The following PRKN variants were observed in gnomAD, a reference collection of about 807,000 sequenced individuals.
PRKN encodes the protein parkin RBR E3 ubiquitin protein ligase, also known as E3 ubiquitin-protein ligase parkin.
Under a neutral mutation model 59.5 loss-of-function variants are expected in PRKN, and 56 were observed. That is an observed-to-expected ratio of 0.94 (90% CI 0.76 to 1.18). PRKN has a LOEUF of 1.18. Among genes scored for constraint, PRKN ranks in the 50% most tolerant of loss-of-function variants. PRKN has a pLI of 0.00. For synonymous variants in PRKN, 250 were observed against 222.1 expected (o/e 1.13, Z -1.12); for missense variants, 657 against 596.4 (o/e 1.10, Z -1.06).
chr6:161,864,540 C>T (rs767655423), intron 6 of PRKN, among the ~76,000 whole-genome samples: 12 of 152,170 alleles, frequency 7.9e-5, no homozygotes, highest in Non-Finnish European at 1.5e-5. Context: ...TTTTTCAAAG[C>T]TCCTGTTAAT....
rs768568929 is a variant in PRKN, at chr6:161,582,971, AACACACACACACACAC to A, written c.872-13571_872-13556del. 2.3e-4 allele frequency among the ~76,000 whole-genome samples: 27 copies of A among 117,236 alleles called. No homozygotes were observed. Among genetic ancestry groups the A allele is most frequent in the Admixed American group, 1.4e-3 (15 of 11,000 alleles). 76.9% of individuals were successfully genotyped at this position (117,236 alleles called of 152,430 possible). ...TCTTTCCAGTGAGATGGCCTATTCC[AACACACACACACACAC>A]ACACACACACACACACACACACACA... is the stretch of plus-strand genomic sequence containing the variant. On this transcript the variant is annotated intron_variant, in intron 7 of 11. Transcript: ENST00000366898. The surrounding 1 kb of genome is among the most constrained non-coding windows in gnomAD (Gnocchi z 4.4).
intron 7 of PRKN, among the ~76,000 whole-genome samples, chr6:161,660,498 C>T (rs534491117): frequency 6.6e-6 from 1 of 152,188 alleles, no homozygotes; most frequent in African/African-American, 2.4e-5. Context: ...CAAAGACACA[C>T]AGCTGAAGAT....
intron 6 of PRKN, among the ~76,000 whole-genome samples, chr6:161,823,558 G>C (rs952588788): frequency 2.6e-5 from 4 of 152,158 alleles, no homozygotes; most frequent in Admixed American, 2.0e-4. Context: ...AAGAAAAACA[G>C]AAACCTAACT....
In PRKN at chr6:162,003,360, G is replaced by A. The variant is rs75321521; in HGVS notation, c.619-29943C>T. On this transcript the variant is annotated intron_variant, in intron 5 of 11. Transcript: ENST00000366898. ...TAAACTACTTTTAAGCGAATTTTCT[G>A]AATTTTTGTATATTGTGTTTAAGTG... Among the ~76,000 whole-genome samples, 1,184 of 152,212 alleles carry A rather than the reference G, an allele frequency of 7.8e-3. 19 individuals carry two copies. Among genetic ancestry groups the A allele is most frequent in the African/African-American group, 0.027 (1,122 of 41,528 alleles).
chr6:161,938,803 A>T (rs112085109), intron 6 of PRKN, among the ~76,000 whole-genome samples: 1,700 of 152,270 alleles, frequency 0.011, 35 homozygotes, highest in African/African-American at 0.039. Flanking sequence ...TGTTTTAGAA[A>T]TGTGAGTGAT....
At chr6:162,054,043 G>A in intron 5 of PRKN, 48 bp downstream of exon 5, 2 of 1,173,126 alleles carry the variant, frequency 1.7e-6, no homozygotes, top group Non-Finnish European at 2.6e-6. Context: ...CAGTGAAGAT[G>A]TCATCATTTT....
intron 4 of PRKN, among the ~76,000 whole-genome samples, chr6:162,199,731 C>T (rs892879207): frequency 6.6e-6 from 1 of 152,170 alleles, no homozygotes; most frequent in Non-Finnish European, 1.5e-5. Flanking sequence ...ATGAATTTCT[C>T]TAGACAGCTG....
Position 162,439,250 on chromosome 6 carries a change from C to G in PRKN, c.171+4060G>C, listed in dbSNP as rs73604300. ...TTGCTAGGCAGCCCCTTTCTGAGTC[C>G]TCTGGATAAAAAACAGGCCATTGTT... On this transcript the variant is annotated intron_variant, in intron 2 of 11. Transcript: ENST00000366898. 4.0e-3 allele frequency among the ~76,000 whole-genome samples: 601 copies of G among 152,118 alleles called. 7 individuals are homozygous for G. Among genetic ancestry groups the G allele is most frequent in the African/African-American group, 0.014 (577 of 41,512 alleles).
intron 7 of PRKN, among the ~76,000 whole-genome samples, chr6:161,735,652 C>T (rs745618572): frequency 1.6e-4 from 25 of 152,046 alleles, no homozygotes; most frequent in Non-Finnish European, 3.2e-4. Context: ...CATGGTGGCT[C>T]ACGCCTGTAA....
intron 5 of PRKN, among the ~76,000 whole-genome samples, chr6:162,024,852 G>A (rs1399771659): frequency 6.6e-6 from 1 of 152,256 alleles, no homozygotes; most frequent in East Asian, 1.9e-4. Context: ...AGACTAAACT[G>A]TAAGCATCTC....
chr6:161,590,587 G>A (rs936452535), intron 7 of PRKN, among the ~76,000 whole-genome samples: 1 of 152,018 alleles, frequency 6.6e-6, no homozygotes, highest in African/African-American at 2.4e-5. Flanking sequence ...ACAAAAATTA[G>A]CCAGATGTGG....
chr6:162,039,062 A>G (rs1344781077), intron 5 of PRKN, among the ~76,000 whole-genome samples: 1 of 152,094 alleles, frequency 6.6e-6, no homozygotes, highest in Non-Finnish European at 1.5e-5. Context: ...AGGCTGAGGC[A>G]GGAGAATGGC....
At chr6:161,510,404 C>T (rs953383331) in intron 9 of PRKN, among the ~76,000 whole-genome samples, 6 of 152,040 alleles carry the variant, frequency 3.9e-5, no homozygotes, top group Non-Finnish European at 5.9e-5. Context: ...TCCCTGAGGT[C>T]GCCAGTGAGG....
chr6:161,996,090 C>A (rs1256545753), intron 5 of PRKN, among the ~76,000 whole-genome samples: 1 of 152,156 alleles, frequency 6.6e-6, no homozygotes, highest in Admixed American at 6.5e-5. Context: ...CCTGTACCCC[C>A]ATGTTTATTG....
intron 9 of PRKN, among the ~76,000 whole-genome samples, chr6:161,507,547 G>A (rs1403585546): frequency 1.3e-5 from 2 of 152,152 alleles, no homozygotes; most frequent in Non-Finnish European, 2.9e-5. Context: ...GGTCAGGGAA[G>A]TTCCAGACAG....
rs755053714 is a variant in PRKN, at chr6:161,529,309, C to T, written c.1083+19545G>A. 2.0e-4 allele frequency among the ~76,000 whole-genome samples: 31 copies of T among 152,116 alleles called. No homozygotes were observed. Among genetic ancestry groups the T allele is most frequent in the Non-Finnish European group, 3.4e-4 (23 of 68,030 alleles). On this transcript the variant is annotated intron_variant, in intron 9 of 11. Coordinates refer to ENST00000366898, the MANE Select transcript of PRKN (RefSeq NM_004562.3). This position sits in a 1 kb window ranked among gnomAD's most constrained non-coding sequence, Gnocchi z 4.4. Reference sequence around the variant, plus strand: ...ACCTGGTTGTGGCTGACGGCTGTGTCCCTCCAGCTGCCTCACCTGGGGCCG... The same window carrying T: ...ACCTGGTTGTGGCTGACGGCTGTGTTCCTCCAGCTGCCTCACCTGGGGCCG...
rs1449720284 is a variant in PRKN at position 161,388,657 on chromosome 6, G to A, written c.1084-1780C>T. Among the ~76,000 whole-genome samples the A allele has an allele frequency of 6.6e-6, 1 of 152,184 alleles. No individual in the cohort carries two copies. Among genetic ancestry groups the A allele is most frequent in the Non-Finnish European group, 1.5e-5 (1 of 68,030 alleles). On this transcript the variant is annotated intron_variant, in intron 9 of 11. Transcript: ENST00000366898. The surrounding 1 kb of genome is among the most constrained non-coding windows in gnomAD (Gnocchi z 4.3). ...ACTCCTAGAATATGGTAGAAATGATGGTGTACCACTTTCTAGGCCCAGGCC... is the reference window on the plus strand; with the variant it reads ...ACTCCTAGAATATGGTAGAAATGATAGTGTACCACTTTCTAGGCCCAGGCC...
chr6:161,813,041 A>G (rs1791623912), intron 6 of PRKN, among the ~76,000 whole-genome samples: 1 of 152,234 alleles, frequency 6.6e-6, no homozygotes, highest in South Asian at 2.1e-4. Context: ...GCAGGAAGTA[A>G]CAAAGTGAGG....
At chr6:162,471,201 G>A (rs535301127) in intron 1 of PRKN, among the ~76,000 whole-genome samples, 3 of 151,850 alleles carry the variant, frequency 2.0e-5, no homozygotes, top group South Asian at 2.1e-4. Flanking sequence ...GGGTTCAAGC[G>A]ATTCTCCTGC....
Sources: gnomAD v4.1 joint callset for allele counts (sites outside exome capture counted in the v4.1 genomes callset) on GRCh38, gnomAD v4.1.1 for gene constraint, Gnocchi (gnomAD v3.1) non-coding constraint, MANE v1.5 for transcripts, NCBI Gene and HGNC (gene_info 2026-07-23, HGNC 2026-07-21) for gene names.